Variants in EPS15L1 observed in about 807,000 individuals in gnomAD.
The protein encoded by EPS15L1 is epidermal growth factor receptor pathway substrate 15 like 1.
In EPS15L1, 43 loss-of-function variants were observed where a neutral mutation model predicts 117.1. The ratio of observed to expected loss-of-function variants is 0.37; its 90% CI spans 0.29 to 0.47. The LOEUF (loss-of-function observed/expected upper bound fraction) is 0.47, where lower values mean the gene tolerates loss of function less well. Ranked by LOEUF, EPS15L1 falls within the 20% of genes least tolerant of loss-of-function variation. The pLI, the probability that EPS15L1 is intolerant of heterozygous loss-of-function variation, is 0.99. For missense variants in EPS15L1, 981 were observed against 1,164.0 expected (o/e 0.84, Z 2.29); for synonymous variants, 459 against 470.5 (o/e 0.98, Z 0.32).
Position 16,404,545 on chromosome 19 carries a change from T to A in EPS15L1, c.1428+43A>T, listed in dbSNP as rs765793463. The stretch of plus-strand genomic sequence containing the variant: ...CTCAGGGGAGTCCTTGGGAAGCCCC[T>A]GCCTGTGCATAGGGCGCTGCCCCGG... On this transcript the variant is annotated intron_variant, in intron 14 of 23. Transcript: ENST00000455140. This position sits in a 1 kb window ranked among gnomAD's most constrained non-coding sequence, Gnocchi z 4.2. 4 of 1,608,806 alleles carry A rather than the reference T, an allele frequency of 2.5e-6. No homozygotes were observed. In the East Asian group the frequency reaches 8.9e-5, roughly 36 times the overall value.
At chr19:16,361,696 T>G in intron 23 of EPS15L1, 83 bp downstream of exon 23, 1 of 1,491,046 alleles carries the variant, frequency 6.7e-7, no homozygotes, top group Non-Finnish European at 8.9e-7. Flanking sequence ...CTGGGAGGTT[T>G]GCCTTTAAAA....
At chr19:16,434,213 G>C in intron 7 of EPS15L1, 152 bp downstream of exon 7, 1 of 1,052,246 alleles carries the variant, frequency 9.5e-7, no homozygotes, top group East Asian at 2.4e-5. Context: ...GCCAGCTGGG[G>C]CTGGACCCAC....
intron 19 of EPS15L1, among the ~76,000 whole-genome samples, chr19:16,386,706 C>G (rs2092424129): frequency 6.6e-6 from 1 of 152,216 alleles, no homozygotes; most frequent in Non-Finnish European, 1.5e-5. Flanking sequence ...GATGCAAGCC[C>G]TGAACTTCAT....
intron 18 of EPS15L1, among the ~76,000 whole-genome samples, chr19:16,393,183 G>A (rs752754794): frequency 9.2e-5 from 14 of 151,660 alleles, no homozygotes; most frequent in Non-Finnish European, 1.6e-4. Flanking sequence ...CAGGGGTTGC[G>A]GGAGGGAATG....
intron 21 of EPS15L1, among the ~76,000 whole-genome samples, chr19:16,382,096 C>T (rs916731748): frequency 6.6e-6 from 1 of 152,236 alleles, no homozygotes; most frequent in Non-Finnish European, 1.5e-5. Flanking sequence ...CCTAACCCTC[C>T]AGGCTGACCG....
chr19:16,375,244 A>G (rs1485134301), intron 22 of EPS15L1, among the ~76,000 whole-genome samples: 2 of 152,166 alleles, frequency 1.3e-5, no homozygotes, highest in East Asian at 3.9e-4. Flanking sequence ...TGCAGTATGT[A>G]TGTGAATGCA....
At chr19:16,377,389 C>T in intron 21 of EPS15L1, 135 bp from the exon 22 acceptor site, 2 of 953,926 alleles carry the variant, frequency 2.1e-6, no homozygotes, top group Non-Finnish European at 3.1e-6. Context: ...CATGGCCCTG[C>T]TTGGACGTGG....
At position 16,471,872 on chromosome 19, in the gene EPS15L1, C is replaced by T. The variant is rs2093349177; in HGVS notation, c.33+41G>A. On this transcript the variant is annotated intron_variant, in intron 1 of 23. Transcript: ENST00000455140. This position sits in a 1 kb window ranked among gnomAD's most constrained non-coding sequence, Gnocchi z 4.8. ...CCTCGCCGCACCGCTCGCCTCGCGC[C>T]CCGCACCCCGGCGCCGCCCCCAGGC... 1 of 1,234,102 alleles carries T rather than the reference C, an allele frequency of 8.1e-7. No homozygotes were observed. The highest frequency in any genetic ancestry group is 1.6e-5 in the African/African-American group (1 of 63,212). 76.4% of individuals were successfully genotyped at this position (1,234,102 alleles called of 1,614,324 possible). A position where few individuals can be genotyped will look rare whatever the true frequency, so the allele number is the denominator to read the frequency against.
intron 6 of EPS15L1, among the ~76,000 whole-genome samples, chr19:16,435,802 C>T (rs2092972623): frequency 6.6e-6 from 1 of 152,242 alleles, no homozygotes; most frequent in African/African-American, 2.4e-5. Context: ...GAATCTCTCT[C>T]GACCACAGTA....
In EPS15L1 at chr19:16,393,506, G is replaced by A. The variant is rs886265182; in HGVS notation, c.1966+445C>T. 5.9e-5 allele frequency among the ~76,000 whole-genome samples: 9 copies of A among 151,524 alleles called. No individual in the cohort carries two copies. The South Asian group carries it at 1.0e-3, about 17-fold the overall frequency. Reference sequence around the variant, plus strand: ...CTACTAAAAATACAAAAAATTAGCCGGGCGTGGTAGCGGGCGCCTGTAGTC... The same window carrying A: ...CTACTAAAAATACAAAAAATTAGCCAGGCGTGGTAGCGGGCGCCTGTAGTC... On this transcript the variant is annotated intron_variant, in intron 18 of 23. Transcript: ENST00000455140.
At chr19:16,464,948 G>A (rs542128723) in intron 1 of EPS15L1, among the ~76,000 whole-genome samples, 11 of 152,092 alleles carry the variant, frequency 7.2e-5, no homozygotes, top group South Asian at 4.1e-4. Context: ...GTGTGGTGGC[G>A]GGTGCCTGTA....
chr19:16,446,899 CTA>C (rs1429661478), intron 1 of EPS15L1, among the ~76,000 whole-genome samples: 3 of 152,332 alleles, frequency 2.0e-5, no homozygotes, highest in South Asian at 4.1e-4. Context: ...CCCATAATGG[CTA>C]TGTTTTTCAA....
At chr19:16,464,093 G>A (rs1409049766) in intron 1 of EPS15L1, among the ~76,000 whole-genome samples, 1 of 152,214 alleles carries the variant, frequency 6.6e-6, no homozygotes, top group Non-Finnish European at 1.5e-5. Context: ...CCAAGAGGAG[G>A]AGAAGTGACT....
chr19:16,385,801 AAC>A (rs2144743837), intron 20 of EPS15L1, among the ~76,000 whole-genome samples: 1 of 152,358 alleles, frequency 6.6e-6, no homozygotes, highest in Non-Finnish European at 1.5e-5. Context: ...GGTTCCTTCA[AAC>A]ACAGAACCCA....
intron 6 of EPS15L1, 48 bp from the exon 7 acceptor site, chr19:16,434,538 G>A (rs542739483): frequency 6.3e-7 from 1 of 1,589,920 alleles, no homozygotes; most frequent in Non-Finnish European, 8.6e-7. Flanking sequence ...ACACCTGTGT[G>A]AATGTCCAGA....
intron 19 of EPS15L1, among the ~76,000 whole-genome samples, chr19:16,389,846 C>A (rs2092458740): frequency 6.6e-6 from 1 of 152,002 alleles, no homozygotes; most frequent in Admixed American, 6.6e-5. Flanking sequence ...AAAGTTAAAG[C>A]TGTACATGAT....
intron 22 of EPS15L1, among the ~76,000 whole-genome samples, chr19:16,375,407 C>T (rs551584239): frequency 1.3e-4 from 20 of 151,962 alleles, no homozygotes; most frequent in African/African-American, 3.6e-4. Flanking sequence ...CATGGCCGCA[C>T]GTGGGAATGT....
chr19:16,372,559 T>C (rs1327785888), intron 22 of EPS15L1, among the ~76,000 whole-genome samples: 1 of 152,168 alleles, frequency 6.6e-6, no homozygotes, highest in Non-Finnish European at 1.5e-5. Context: ...CACTAAACTG[T>C]GACCTCACAG....
At chr19:16,368,930 T>G (rs1265460240) in intron 22 of EPS15L1, among the ~76,000 whole-genome samples, 1 of 152,166 alleles carries the variant, frequency 6.6e-6, no homozygotes, top group African/African-American at 2.4e-5. Context: ...GGGGCACCAC[T>G]CCAGCAGAGC....
Sources: allele counts gnomAD v4.1 joint callset (sites outside exome capture counted in the v4.1 genomes callset), GRCh38; gene constraint gnomAD v4.1.1; non-coding constraint Gnocchi (gnomAD v3.1); transcripts MANE v1.5; gene names NCBI Gene and HGNC (gene_info 2026-07-23, HGNC 2026-07-21).